The following ANXA8 variants were observed in gnomAD, a reference collection of about 807,000 sequenced individuals.
ANXA8 encodes VAC-beta.
ANXA8 carries 9 observed loss-of-function variants against 26.8 expected under a neutral mutation model. The observed-to-expected ratio is 0.34, with a 90% CI of 0.20 to 0.59. The LOEUF (loss-of-function observed/expected upper bound fraction) is 0.59. Ranked by LOEUF, ANXA8 falls within the 20% of genes least tolerant of loss-of-function variation. The pLI, the probability that ANXA8 is intolerant of heterozygous loss-of-function variation, is 0.84. For synonymous variants in ANXA8, 39 were observed against 94.8 expected, an observed-to-expected ratio of 0.41 and a Z score of 3.42; for missense variants, 83 against 238.5, an observed-to-expected ratio of 0.35 and a Z score of 4.29.
chr10:47,950,220 CTAA>C, the ANXA8 span, among the ~76,000 whole-genome samples: 477 of 150,792 alleles, frequency 3.2e-3, no homozygotes, highest in African/African-American at 0.011. Flanking sequence ...ATATATTCAC[CTAA>C]TAATAGAACT....
the ANXA8 span, among the ~76,000 whole-genome samples, chr10:47,939,123 A>G: frequency 2.1e-5 from 3 of 145,674 alleles, no homozygotes; most frequent in Non-Finnish European, 4.5e-5. Context: ...ACTGCTCTGC[A>G]TAAAAGCCCA....
At chr10:47,944,070 G>A in the ANXA8 span, among the ~76,000 whole-genome samples, 1 of 147,172 alleles carries the variant, frequency 6.8e-6, no homozygotes, top group Non-Finnish European at 1.5e-5. Context: ...ACACCACGTG[G>A]CACGTGGACA....
chr10:47,659,406 G>T, the ANXA8 span, among the ~76,000 whole-genome samples: 1 of 151,648 alleles, frequency 6.6e-6, no homozygotes, highest in Non-Finnish European at 1.5e-5. Flanking sequence ...TAGGCCGGGC[G>T]CGGTGGCTCA....
intron 8 of ANXA8, 34 bp downstream of exon 8, chr10:47,474,271 G>A (rs1436323547): frequency 1.3e-6 from 2 of 1,583,164 alleles, no homozygotes; most frequent in Admixed American, 1.7e-5. Context: ...GACACCCCCT[G>A]TGGCCCCGGC....
the ANXA8 span, among the ~76,000 whole-genome samples, chr10:47,721,571 G>T: frequency 2.3e-4 from 31 of 132,858 alleles, 5 homozygotes; most frequent in Admixed American, 9.3e-4. Context: ...CGCTCTTGTT[G>T]CCCAGGCTGG....
chr10:47,688,487 T>C, the ANXA8 span, among the ~76,000 whole-genome samples: 1 of 151,256 alleles, frequency 6.6e-6, no homozygotes, highest in Non-Finnish European at 1.5e-5. Context: ...AGTGGTGAGA[T>C]CTTGGCTCAC....
At chr10:47,652,611 A>G in the ANXA8 span, among the ~76,000 whole-genome samples, 2 of 149,010 alleles carry the variant, frequency 1.3e-5, no homozygotes, top group African/African-American at 5.1e-5. Context: ...AAAAAGATAA[A>G]TTATGGTATT....
the ANXA8 span, among the ~76,000 whole-genome samples, chr10:47,777,599 TC>T: frequency 6.6e-6 from 1 of 152,230 alleles, no homozygotes; most frequent in Non-Finnish European, 1.5e-5. Flanking sequence ...ACCCACCAAA[TC>T]CTGGTGGGCA....
At chr10:47,697,097 A>G in the ANXA8 span, among the ~76,000 whole-genome samples, 4 of 151,950 alleles carry the variant, frequency 2.6e-5, no homozygotes, top group Non-Finnish European at 5.9e-5. Context: ...ACTAGGAAAT[A>G]AAATGACATA....
At chr10:47,626,514 A>C in the ANXA8 span, among the ~76,000 whole-genome samples, 1 of 149,946 alleles carries the variant, frequency 6.7e-6, no homozygotes, top group African/African-American at 2.5e-5. Context: ...TCTTAAGGAA[A>C]GATTTTATTC....
At chr10:47,501,703 C>T in the ANXA8 span, among the ~76,000 whole-genome samples, 1 of 139,794 alleles carries the variant, frequency 7.2e-6, no homozygotes, top group South Asian at 2.3e-4. Flanking sequence ...AGCAAAACAT[C>T]GTCCAAAAAA....
chr10:47,687,105 AAAAATAAAAT>A, the ANXA8 span, among the ~76,000 whole-genome samples: 4,120 of 137,116 alleles, frequency 0.03, 35 homozygotes, highest in South Asian at 0.045. Flanking sequence ...CCCTAACTCA[AAAAATAAAAT>A]AAAATAAAAT....
chr10:47,902,913 TA>T, the ANXA8 span, among the ~76,000 whole-genome samples: 1 of 152,018 alleles, frequency 6.6e-6, no homozygotes, highest in Non-Finnish European at 1.5e-5. Flanking sequence ...ACATGTCAAA[TA>T]ATCCTGTTAA....
chr10:47,704,635 C>T, the ANXA8 span, among the ~76,000 whole-genome samples: 1 of 151,568 alleles, frequency 6.6e-6, no homozygotes, highest in African/African-American at 2.4e-5. Flanking sequence ...CATACCTTTT[C>T]CCTCTGAAAA....
intron 1 of ANXA8, among the ~76,000 whole-genome samples, chr10:47,482,010 T>C (rs1268629603): frequency 7.0e-6 from 1 of 142,830 alleles, no homozygotes; most frequent in African/African-American, 2.6e-5. Flanking sequence ...GCCTGGGAGA[T>C]GGGTTTGTCT....
At chr10:47,951,420 A>C in the ANXA8 span, among the ~76,000 whole-genome samples, 1 of 150,258 alleles carries the variant, frequency 6.7e-6, no homozygotes, top group Non-Finnish European at 1.5e-5. Context: ...AGGAGGAAAG[A>C]CTTTCTAACT....
the ANXA8 span, among the ~76,000 whole-genome samples, chr10:47,631,999 C>A: frequency 6.6e-6 from 1 of 152,170 alleles, no homozygotes; most frequent in Non-Finnish European, 1.5e-5. Flanking sequence ...AATGCTTGCA[C>A]TGCTTAAAGA....
At chr10:47,484,503 G>A (rs1218325931), upstream of ANXA8, 9 of 1,267,278 alleles carry the variant, frequency 7.1e-6, no homozygotes, top group Non-Finnish European at 9.9e-6. Flanking sequence ...GCCAGTTGGT[G>A]AGAAGGTGGC....
At chr10:47,958,860 C>T in the ANXA8 span, among the ~76,000 whole-genome samples, 3 of 149,838 alleles carry the variant, frequency 2.0e-5, no homozygotes, top group African/African-American at 5.0e-5. Context: ...ATCATGAGAA[C>T]AGCATGGGGG....
Sources: allele counts gnomAD v4.1 joint callset (sites outside exome capture counted in the v4.1 genomes callset), GRCh38; gene constraint gnomAD v4.1.1; transcripts MANE v1.5; gene names NCBI Gene and HGNC (gene_info 2026-07-23, HGNC 2026-07-21).